BTD: variants seen among roughly 807,000 people sequenced by gnomAD.
BTD encodes biotinidase.
In BTD, 13 loss-of-function variants were observed where a neutral mutation model predicts 17.7. The ratio of observed to expected loss-of-function variants is 0.74; its 90% confidence interval spans 0.48 to 1.17. The LOEUF is 1.17. Ranked by LOEUF, BTD falls within the 50% of genes most tolerant of loss-of-function variation. BTD has a pLI of 0.00. For missense variants in BTD, 674 were observed against 650.4 expected, an observed-to-expected ratio of 1.04 and a Z score of -0.39; for synonymous variants, 240 against 245.2, an observed-to-expected ratio of 0.98 and a Z score of 0.20.
chr3:15,705,110 G>T lies in BTD; in HGVS notation c.400-4950G>T, dbSNP rs1486893882. Among the ~76,000 whole-genome samples, 3 of 152,180 alleles carry T rather than the reference G, an allele frequency of 2.0e-5. No individual in the cohort carries two copies. The East Asian group carries it at 5.8e-4, about 29-fold the overall frequency. On this transcript the variant is annotated intron_variant, in intron 3 of 3. Coordinates refer to the BTD transcript ENST00000672141. ...CTTTCGGATCCCAAGTATCAAGCCTGATACTTTCCAGTGTATCAGGCTGTT... is the reference window on the plus strand; with the variant it reads ...CTTTCGGATCCCAAGTATCAAGCCTTATACTTTCCAGTGTATCAGGCTGTT...
intron 3 of BTD, among the ~76,000 whole-genome samples, chr3:15,698,850 A>C (rs2070092410): frequency 6.6e-6 from 1 of 152,216 alleles, no homozygotes; most frequent in Non-Finnish European, 1.5e-5. Flanking sequence ...CATCCCCATC[A>C]AGCTACCAAT....
chr3:15,708,599 A>G (rs977113218), intron 3 of BTD, among the ~76,000 whole-genome samples: 2 of 152,204 alleles, frequency 1.3e-5, no homozygotes, highest in African/African-American at 4.8e-5. Context: ...TGCCTGAAGT[A>G]CTAAAAATTA....
chr3:15,666,676 C>T (rs532329410), intron 3 of BTD, among the ~76,000 whole-genome samples: 1 of 116,344 alleles, frequency 8.6e-6, no homozygotes, highest in East Asian at 2.1e-4. Flanking sequence ...AATTAGCTCT[C>T]TTGTATATTT....
At chr3:15,660,756 CCT>C (rs1487143260) in intron 3 of BTD, among the ~76,000 whole-genome samples, 2 of 152,186 alleles carry the variant, frequency 1.3e-5, no homozygotes, top group African/African-American at 4.8e-5. Flanking sequence ...TTCTAAAAAT[CCT>C]CTGTTCTCTG....
intron 3 of BTD, chr3:15,685,284 T>G (rs1379625700): frequency 3.1e-6 from 5 of 1,614,038 alleles, no homozygotes; most frequent in Non-Finnish European, 4.2e-6. Flanking sequence ...TGGCTGGATT[T>G]GCATCCATAG....
At chr3:15,602,836 G>A (rs752989634) in intron 1 of BTD, among the ~76,000 whole-genome samples, 3 of 152,012 alleles carry the variant, frequency 2.0e-5, no homozygotes, top group African/African-American at 4.8e-5. Context: ...ATATGTGGAC[G>A]GTGTTAGTCC....
intron 3 of BTD, among the ~76,000 whole-genome samples, chr3:15,659,727 TA>T (rs1376120463): frequency 2.0e-5 from 3 of 152,232 alleles, no homozygotes; most frequent in African/African-American, 7.2e-5. Flanking sequence ...CCCTCTTTTC[TA>T]AGATGCCTTT....
intron 1 of BTD, among the ~76,000 whole-genome samples, chr3:15,616,170 T>C (rs573053418): frequency 6.6e-6 from 1 of 152,332 alleles, no homozygotes; most frequent in South Asian, 2.1e-4. Context: ...ATACAAAGAA[T>C]ACGATTGCTG....
chr3:15,645,345 C>T lies in BTD; in HGVS notation c.1429C>T (p.Pro477Ser), dbSNP rs138818907. The T allele has an allele frequency of 3.3e-5, 54 of 1,614,204 alleles. No individual in the cohort carries two copies. In the African/African-American group the frequency reaches 5.7e-4, roughly 17 times the overall value. The stretch of plus-strand genomic sequence containing the variant: ...CAACTTCAGTACTTCCTATATCTTT[C>T]CTTTGTTTCTGACCTCAGGGATGAC... ...WGNFSTSYIF[P>S]LFLTSGMTLE... The change falls in exon 4 of 4, where the codon CCT (proline) becomes TCT (serine). Residue 477 changes from proline (P) to serine (S), a missense_variant. By Grantham distance (74) the Pro-to-Ser change is moderately conservative. Transcript: ENST00000643237.
Position 15,648,892 on chromosome 3 carries a change from G to A in BTD, c.*3404G>A, listed in dbSNP as rs1016008905. Among the ~76,000 whole-genome samples the A allele has an allele frequency of 1.8e-4, 27 of 152,170 alleles. No homozygotes were observed. Among genetic ancestry groups the A allele is most frequent in the African/African-American group, 6.5e-4 (27 of 41,448 alleles). On this transcript the variant is annotated 3_prime_UTR_variant, in exon 4 of 4. Transcript: ENST00000643237. ...CAACAGGGGCAGAGATCACAGGGAT[G>A]CCTCTACTAGACAAGGCACACCAGA...
At chr3:15,609,300 C>A (rs1297335806) in intron 1 of BTD, among the ~76,000 whole-genome samples, 1 of 152,202 alleles carries the variant, frequency 6.6e-6, no homozygotes, top group African/African-American at 2.4e-5. Flanking sequence ...TGTGTCCTTT[C>A]CCCATTACAC....
At chr3:15,633,219 C>T (rs2065258593) in intron 1 of BTD, among the ~76,000 whole-genome samples, 2 of 152,106 alleles carry the variant, frequency 1.3e-5, no homozygotes, top group Non-Finnish European at 2.9e-5. Context: ...CCCTCCCACC[C>T]CAGTAATTTC....
At chr3:15,677,145 T>A (rs2470540) in intron 3 of BTD, 594,359 of 1,038,298 alleles carry the variant, frequency 0.57, 173,435 homozygotes, top group Admixed American at 0.64. Context: ...AGTCCATATA[T>A]TATGTACAAC....
At chr3:15,700,706 G>A (rs770567450) in intron 3 of BTD, among the ~76,000 whole-genome samples, 5 of 152,084 alleles carry the variant, frequency 3.3e-5, no homozygotes, top group East Asian at 3.9e-4. Flanking sequence ...CTCAGGAGGC[G>A]GAGGTTGCAG....
At position 15,692,403 on chromosome 3, in the gene BTD, T is replaced by C. The variant is rs1273674232; in HGVS notation, c.400-17657T>C. Among the ~76,000 whole-genome samples, 3 of 152,142 alleles carry C rather than the reference T, an allele frequency of 2.0e-5. 1 individual carries two copies. Among genetic ancestry groups the C allele is most frequent in the Admixed American group, 2.0e-4 (3 of 15,270 alleles). ...AATTCAAGACTGTAGTGAGCCGTGA[T>C]TGTGCCACTACACTCCAGCCTGGAT... is the stretch of plus-strand genomic sequence containing the variant. On this transcript the variant is annotated intron_variant, in intron 3 of 3. Transcript: ENST00000672141.
At chr3:15,672,396 C>T (rs1008420038) in intron 3 of BTD, among the ~76,000 whole-genome samples, 3 of 152,176 alleles carry the variant, frequency 2.0e-5, no homozygotes, top group African/African-American at 7.2e-5. Flanking sequence ...CCCGCCTCTG[C>T]CTCCCAAAGT....
At position 15,662,033 on chromosome 3, in the gene BTD, T is replaced by C. The variant is rs147246231; in HGVS notation, c.399+19976T>C. On this transcript the variant is annotated intron_variant, in intron 3 of 3. Coordinates refer to the BTD transcript ENST00000672141. Reference sequence around the variant, plus strand: ...TGTCTTGATTACTGTAGTTTTATAGTATGGGTAGTGTAAGTTGGGTAGTGT... The same window carrying C: ...TGTCTTGATTACTGTAGTTTTATAGCATGGGTAGTGTAAGTTGGGTAGTGT... 9.3e-3 allele frequency among the ~76,000 whole-genome samples: 1,419 copies of C among 152,342 alleles called. 17 individuals are homozygous for C. Among genetic ancestry groups the C allele is most frequent in the Middle Eastern group, 0.027 (8 of 294 alleles).
At position 15,701,919 on chromosome 3, in the gene BTD, A is replaced by C. The variant is rs949507369; in HGVS notation, c.400-8141A>C. Among the ~76,000 whole-genome samples, 24 of 152,194 alleles carry C rather than the reference A, an allele frequency of 1.6e-4. 1 individual carries two copies. The highest frequency in any genetic ancestry group is 1.6e-3 in the Admixed American group (24 of 15,286). On this transcript the variant is annotated intron_variant, in intron 3 of 3. Transcript: ENST00000672141. ...TCTGTAGGAATACTTTACAGGCAAA[A>C]ACATTTTACCCAAGGGCATTTAAAA...
At chr3:15,633,240 T>G (rs1348184203) in intron 1 of BTD, among the ~76,000 whole-genome samples, 2 of 152,180 alleles carry the variant, frequency 1.3e-5, no homozygotes, top group Non-Finnish European at 2.9e-5. Context: ...AATCCAAGGT[T>G]GGTGGAATCC....
Sources: gnomAD v4.1 joint callset for allele counts (sites outside exome capture counted in the v4.1 genomes callset) on GRCh38, gnomAD v4.1.1 for gene constraint, MANE v1.5 for transcripts, NCBI Gene and HGNC (gene_info 2026-07-23, HGNC 2026-07-21) for gene names.